RAB27B: variants seen among roughly 807,000 people sequenced by gnomAD.
RAB27B encodes the protein RAB27B, member RAS oncogene family.
A neutral mutation model predicts 24.6 loss-of-function variants in RAB27B; 15 were observed. That is an observed-to-expected ratio of 0.61 (90% confidence interval 0.41 to 0.94). The LOEUF is 0.94. Among genes scored for constraint, RAB27B ranks in the 40% least tolerant of loss-of-function variants. The pLI is 0.00. For missense variants in RAB27B, 261 were observed against 266.8 expected (o/e 0.98, Z 0.15); for synonymous variants, 105 against 92.5 (o/e 1.14, Z -0.78).
At chr18:54,799,358 AT>A (rs950420151) in intron 2 of RAB27B, among the ~76,000 whole-genome samples, 4 of 152,150 alleles carry the variant, frequency 2.6e-5, no homozygotes, top group Admixed American at 2.6e-4. Flanking sequence ...ATCAACTGGA[AT>A]TTTCTTGATT....
intron 2 of RAB27B, among the ~76,000 whole-genome samples, chr18:54,812,338 A>G (rs901044256): frequency 6.6e-6 from 1 of 152,162 alleles, no homozygotes; most frequent in African/African-American, 2.4e-5. Flanking sequence ...GGGTTTAACT[A>G]CAAGAAAATT....
At chr18:54,840,327 A>G (rs905354021) in intron 1 of RAB27B, among the ~76,000 whole-genome samples, 3 of 152,238 alleles carry the variant, frequency 2.0e-5, no homozygotes, top group Non-Finnish European at 2.9e-5. Context: ...TTTGTTGGCC[A>G]GTCTTTCTGA....
chr18:54,770,137 AC>A (rs2145067953), intron 2 of RAB27B, among the ~76,000 whole-genome samples: 1 of 152,160 alleles, frequency 6.6e-6, no homozygotes, highest in African/African-American at 2.4e-5. Flanking sequence ...GAGCCACCAC[AC>A]CCAGCCATCA....
At chr18:54,834,694 T>TGA (rs1910823966) in intron 1 of RAB27B, among the ~76,000 whole-genome samples, 2 of 151,982 alleles carry the variant, frequency 1.3e-5, no homozygotes, top group East Asian at 3.9e-4. Flanking sequence ...TGTGTGTGTG[T>TGA]GTGTGCATGT....
At position 54,879,447 on chromosome 18, in the gene RAB27B, C is replaced by A. The variant is rs1413085158; in HGVS notation, c.232C>A (p.Gln78Lys). The stretch of plus-strand genomic sequence containing the variant: ...TCTTCAGCTTTGGGACACTGCGGGA[C>A]AAGAGCGGTAATAGTAAATTGCTTT... ...VHLQLWDTAG[Q>K]ERFRSLTTAF... The change falls in exon 3 of 6, where the codon CAA (glutamine) becomes AAA (lysine). Residue 78 changes from glutamine (Q) to lysine (K), a missense_variant. By Grantham distance (53) the Gln-to-Lys change is moderately conservative (BLOSUM62 1). Transcript: ENST00000262094. 6.2e-7 allele frequency: 1 copy of A among 1,609,992 alleles called. No individual in the cohort carries two copies. Among genetic ancestry groups the A allele is most frequent in the Non-Finnish European group, 8.5e-7 (1 of 1,176,484 alleles).
intron 1 of RAB27B, among the ~76,000 whole-genome samples, chr18:54,867,442 C>CTTTTCTTTTTTTTTTTTTT (rs1555666326): frequency 2.0e-5 from 2 of 98,754 alleles, no homozygotes; most frequent in Non-Finnish European, 4.0e-5. Context: ...CTTTTCTTTT[C>CTTTTCTTTTTTTTTTTTTT]TTTTTTTTTT....
intron 2 of RAB27B, among the ~76,000 whole-genome samples, chr18:54,728,917 A>C (rs1568044227): frequency 3.4e-5 from 5 of 145,886 alleles, no homozygotes; most frequent in Non-Finnish European, 6.0e-5. Context: ...AAAAAAAAAA[A>C]AAAAAACCAC....
chr18:54,875,541 G>A (rs9954297), intron 1 of RAB27B, among the ~76,000 whole-genome samples: 1,037 of 25,550 alleles, frequency 0.041, 14 homozygotes, highest in South Asian at 0.15. Flanking sequence ...CTTTGTCTAG[G>A]TTTTTTTTTT....
intron 2 of RAB27B, among the ~76,000 whole-genome samples, chr18:54,738,083 G>C (rs942126033): frequency 2.0e-5 from 3 of 152,172 alleles, no homozygotes; most frequent in African/African-American, 7.2e-5. Flanking sequence ...AGGTTTGTAA[G>C]AGAGAAGAGC....
intron 1 of RAB27B, among the ~76,000 whole-genome samples, chr18:54,867,533 G>A (rs372073080): frequency 7.1e-6 from 1 of 140,616 alleles, no homozygotes; most frequent in Middle Eastern, 4.0e-3. Context: ...TGCAACTTCC[G>A]CCTCTTGGGT....
chr18:54,802,161 T>A lies in RAB27B; in HGVS notation c.-19-75406T>A, dbSNP rs117986842. Reference sequence around the variant, plus strand: ...AATGAAATCAAGTTCAAATAATCTTTACATTGTTTGCAAATACAATCTTTG... The same window carrying A: ...AATGAAATCAAGTTCAAATAATCTTAACATTGTTTGCAAATACAATCTTTG... On this transcript the variant is annotated intron_variant, in intron 2 of 4. Coordinates refer to the RAB27B transcript ENST00000586570. 4.6e-3 allele frequency among the ~76,000 whole-genome samples: 708 copies of A among 152,344 alleles called. 2 individuals carry two copies. The highest frequency in any genetic ancestry group is 7.8e-3 in the Non-Finnish European group (529 of 68,028).
At chr18:54,758,658 C>T (rs916633467) in intron 2 of RAB27B, among the ~76,000 whole-genome samples, 3 of 143,186 alleles carry the variant, frequency 2.1e-5, no homozygotes, top group Non-Finnish European at 3.0e-5. Flanking sequence ...AAAGGAACAA[C>T]GACAGAGCTA....
intron 2 of RAB27B, among the ~76,000 whole-genome samples, chr18:54,764,119 A>G (rs1908283985): frequency 6.6e-6 from 1 of 152,050 alleles, no homozygotes; most frequent in African/African-American, 2.4e-5. Flanking sequence ...CAGCTTGTTT[A>G]TGGATACCTC....
At chr18:54,888,437 C>T (rs976980965) in intron 5 of RAB27B, among the ~76,000 whole-genome samples, 2 of 151,994 alleles carry the variant, frequency 1.3e-5, no homozygotes, top group Admixed American at 1.3e-4. Context: ...GAAGGCCACC[C>T]CACACAGTTA....
At chr18:54,873,998 T>C (rs565459444) in intron 1 of RAB27B, among the ~76,000 whole-genome samples, 37 of 152,340 alleles carry the variant, frequency 2.4e-4, no homozygotes, top group Non-Finnish European at 4.3e-4. Context: ...CACAGTGGAA[T>C]TGATTTGTGT....
At chr18:54,850,351 T>C (rs1482178622) in intron 1 of RAB27B, among the ~76,000 whole-genome samples, 3 of 137,916 alleles carry the variant, frequency 2.2e-5, no homozygotes, top group East Asian at 2.1e-4. Flanking sequence ...TATATATATA[T>C]ATATATATAC....
At chr18:54,876,397 T>C (rs868180379) in intron 1 of RAB27B, among the ~76,000 whole-genome samples, 2 of 152,204 alleles carry the variant, frequency 1.3e-5, no homozygotes, top group African/African-American at 2.4e-5. Flanking sequence ...GCTTCAAGAA[T>C]ACAGTGTTTT....
intron 1 of RAB27B, among the ~76,000 whole-genome samples, chr18:54,866,369 C>A (rs776524778): frequency 6.6e-6 from 1 of 152,020 alleles, no homozygotes; most frequent in Non-Finnish European, 1.5e-5. Flanking sequence ...TATATCTTCT[C>A]ACCGCAACCT....
intron 2 of RAB27B, among the ~76,000 whole-genome samples, chr18:54,766,139 A>G (rs1233442940): frequency 2.0e-5 from 3 of 152,236 alleles, no homozygotes; most frequent in African/African-American, 4.8e-5. Context: ...TAATTGTTAC[A>G]TGGAATAACA....
Sources: gnomAD v4.1 joint callset for allele counts (sites outside exome capture counted in the v4.1 genomes callset) on GRCh38, gnomAD v4.1.1 for gene constraint, MANE v1.5 for transcripts, NCBI Gene and HGNC (gene_info 2026-07-23, HGNC 2026-07-21) for gene names.